KCNIP2: variants seen among roughly 807,000 people sequenced by gnomAD.
KCNIP2 encodes the protein A-type potassium channel modulatory protein KCNIP2.
KCNIP2 carries 19 observed loss-of-function variants against 39.0 expected under a neutral mutation model. The observed-to-expected ratio is 0.49, with a 90% CI of 0.34 to 0.71. The LOEUF (loss-of-function observed/expected upper bound fraction) is 0.71, where lower values mean the gene tolerates loss of function less well. KCNIP2 is among the 30% of genes least tolerant of loss of function. The pLI is 0.01. For synonymous variants in KCNIP2, 111 were observed against 131.2 expected, an observed-to-expected ratio of 0.85 and a Z score of 1.05; for missense variants, 261 against 346.0, an observed-to-expected ratio of 0.75 and a Z score of 1.95.
Position 101,831,138 on chromosome 10 carries a change from G to A in KCNIP2, c.103C>T (p.Leu35=). 1 of 1,611,608 alleles carries A rather than the reference G, an allele frequency of 6.2e-7. No homozygotes were observed. The highest frequency in any genetic ancestry group is 1.1e-5 in the South Asian group (1 of 90,520). Residue 35 remains leucine, a synonymous_variant, in exon 2 of 10, where the codon CTG becomes TTG. Coordinates refer to ENST00000356640, the MANE Select transcript of KCNIP2 (RefSeq NM_173191.3). ...GHPPGPTKKA[L]KQRFLKLLPC... is the part of the protein sequence containing the mutation. Reference sequence around the variant, plus strand: ...AGCAGCTTGAGGAATCGCTGCTTCAGCGCTTTTTTAGTGGGCCCTGGAGGG... The same window carrying A: ...AGCAGCTTGAGGAATCGCTGCTTCAACGCTTTTTTAGTGGGCCCTGGAGGG...
intron 1 of KCNIP2, among the ~76,000 whole-genome samples, chr10:101,840,560 CA>C (rs1424995608): frequency 2.3e-4 from 30 of 130,510 alleles, no homozygotes; most frequent in South Asian, 5.4e-4. Flanking sequence ...ACCCCCCCCC[CA>C]CTTCGGTCCC....
intron 1 of KCNIP2, chr10:101,839,750 T>C (rs2066265344): frequency 6.2e-7 from 1 of 1,612,338 alleles, no homozygotes; most frequent in Admixed American, 1.7e-5. Context: ...TTCCTCATCA[T>C]ACCTGGGGAC....
chr10:101,828,137 C>T lies in KCNIP2; in HGVS notation c.597+14G>A. On this transcript the variant is annotated intron_variant, in intron 7 of 9. Transcript: ENST00000356640. The surrounding 1 kb of genome is among the most constrained non-coding windows in gnomAD (Gnocchi z 6.6). ...TCACCGCCACAGACCCCCAGCCCTTCAGTTGCCCTGCACCTCCTTGGTGAT... is the reference window on the plus strand; with the variant it reads ...TCACCGCCACAGACCCCCAGCCCTTTAGTTGCCCTGCACCTCCTTGGTGAT... 1 of 1,610,780 alleles carries T rather than the reference C, an allele frequency of 6.2e-7. No homozygotes were observed. Among genetic ancestry groups the T allele is most frequent in the Non-Finnish European group, 8.5e-7 (1 of 1,177,002 alleles).
At chr10:101,839,161 A>T (rs2066246351) in intron 1 of KCNIP2, among the ~76,000 whole-genome samples, 1 of 152,216 alleles carries the variant, frequency 6.6e-6, no homozygotes, top group South Asian at 2.1e-4. Flanking sequence ...AGCCATACAT[A>T]GCCCAGTGAT....
intron 2 of KCNIP2, among the ~76,000 whole-genome samples, chr10:101,830,139 C>T (rs548165769): frequency 4.0e-4 from 61 of 152,308 alleles, no homozygotes; most frequent in Admixed American, 2.7e-3. Flanking sequence ...GCTCAAATAA[C>T]TACAAAGCGG....
At chr10:101,834,484 T>G in intron 1 of KCNIP2, 2 of 397,348 alleles carry the variant, frequency 5.0e-6, no homozygotes, top group Non-Finnish European at 8.9e-6. Flanking sequence ...GCAGCCTCCC[T>G]CCCACTCTCC....
At chr10:101,839,537 C>T (rs2066256637) in intron 1 of KCNIP2, among the ~76,000 whole-genome samples, 1 of 152,144 alleles carries the variant, frequency 6.6e-6, no homozygotes, top group Non-Finnish European at 1.5e-5. Context: ...CTCTCCTTTC[C>T]TCTTTGAAGA....
chr10:101,829,609 C>G, intron 3 of KCNIP2: 1 of 193,628 alleles, frequency 5.2e-6, no homozygotes. Context: ...CTTGCCCCGC[C>G]CAAACCCTCC....
chr10:101,827,263 G>A lies in KCNIP2; in HGVS notation c.*90C>T. The A allele has an allele frequency of 1.3e-6, 2 of 1,494,076 alleles. No homozygotes were observed. Among genetic ancestry groups the A allele is most frequent in the Non-Finnish European group, 1.8e-6 (2 of 1,119,214 alleles). The allele number at this position is 1,494,076 out of a possible 1,614,324, so 92.6% of individuals were successfully genotyped here. ...CAGCCCCCAGGGAGGCGTAGGATGA[G>A]GATAGACCTGGGAAGAGAAGGGTGA... On this transcript the variant is annotated 3_prime_UTR_variant, in exon 10 of 10. Coordinates refer to ENST00000356640, the MANE Select transcript of KCNIP2 (RefSeq NM_173191.3).
chr10:101,828,158 G>A lies in KCNIP2; in HGVS notation c.590C>T (p.Thr197Ile). 1 of 1,613,714 alleles carries A rather than the reference G, an allele frequency of 6.2e-7. No homozygotes were observed. ...CCTTCAGTTGCCCTGCACCTCCTTG[G>A]TGATGCAGCCGTCCTTGTTAAGGTC... ...LYDLNKDGCI[T>I]KEEMLDIMKS... The change falls in exon 7 of 10, where the codon ACC becomes ATC. Residue 197 changes from threonine to isoleucine, a missense_variant. Coordinates refer to ENST00000356640, the MANE Select transcript of KCNIP2 (RefSeq NM_173191.3). This position sits in a 1 kb window ranked among gnomAD's most constrained non-coding sequence, Gnocchi z 6.6.
intron 1 of KCNIP2, among the ~76,000 whole-genome samples, chr10:101,833,456 A>C (rs758946918): frequency 2.0e-5 from 3 of 152,026 alleles, no homozygotes; most frequent in African/African-American, 7.3e-5. Context: ...CTCATCCCCA[A>C]TCATAGCTGG....
At chr10:101,841,854 C>T (rs1170983834) in intron 1 of KCNIP2, among the ~76,000 whole-genome samples, 1 of 152,218 alleles carries the variant, frequency 6.6e-6, no homozygotes, top group Admixed American at 6.5e-5. Flanking sequence ...CTATTGAAGG[C>T]CCCTAGGCCC....
At chr10:101,829,398 C>T (rs888173535) in intron 3 of KCNIP2, 199 bp from the exon 4 acceptor site, 3 of 670,556 alleles carry the variant, frequency 4.5e-6, no homozygotes, top group African/African-American at 1.9e-5. Flanking sequence ...TATCAGCGGG[C>T]CAAGGCCTGG....
intron 1 of KCNIP2, chr10:101,839,987 TCTC>T: frequency 1.9e-6 from 1 of 533,000 alleles, no homozygotes; most frequent in South Asian, 2.3e-5. Context: ...CTTCCCATGT[TCTC>T]CTGGCCGCAC....
In KCNIP2 at chr10:101,833,883, T is replaced by C. The variant is rs369162297; in HGVS notation, c.74-2716A>G. ...CCAAAAAGGACCCCCCAGAAATCCG[T>C]TGTTATCTCAGGATCCCTAGAACCT... On this transcript the variant is annotated intron_variant, in intron 1 of 9. Coordinates refer to ENST00000356640, the MANE Select transcript of KCNIP2 (RefSeq NM_173191.3). 1.5e-4 allele frequency among the ~76,000 whole-genome samples: 23 copies of C among 152,110 alleles called. No homozygotes were observed. In the South Asian group the frequency reaches 4.8e-3, roughly 32 times the overall value.
intron 1 of KCNIP2, among the ~76,000 whole-genome samples, chr10:101,841,058 T>C (rs1376267036): frequency 6.6e-6 from 1 of 152,210 alleles, no homozygotes; most frequent in East Asian, 1.9e-4. Flanking sequence ...TGGGAAGACC[T>C]GAGGGATTAG....
chr10:101,836,659 G>C (rs1350766368), intron 1 of KCNIP2, among the ~76,000 whole-genome samples: 1 of 152,134 alleles, frequency 6.6e-6, no homozygotes, highest in African/African-American at 2.4e-5. Context: ...GCGAAACTCT[G>C]TCTCTACAAA....
intron 2 of KCNIP2, chr10:101,830,356 G>A (rs1321978958): frequency 1.6e-6 from 2 of 1,242,378 alleles, no homozygotes; most frequent in East Asian, 5.9e-5. Context: ...CGGGGCATAG[G>A]CAACACACAT....
At chr10:101,834,269 T>G in intron 1 of KCNIP2, 2 of 399,176 alleles carry the variant, frequency 5.0e-6, no homozygotes, top group Non-Finnish European at 8.8e-6. Flanking sequence ...TGGATTACCT[T>G]CCAAGGAGAC....
Sources: gnomAD v4.1 joint callset for allele counts (sites outside exome capture counted in the v4.1 genomes callset) on GRCh38, gnomAD v4.1.1 for gene constraint, Gnocchi (gnomAD v3.1) non-coding constraint, MANE v1.5 for transcripts, NCBI Gene and HGNC (gene_info 2026-07-23, HGNC 2026-07-21) for gene names.